The following PLCG2 variants were observed in gnomAD, a reference collection of about 807,000 sequenced individuals.
PLCG2 encodes 1-phosphatidylinositol 4,5-bisphosphate phosphodiesterase gamma-2.
Under a neutral mutation model 175.6 loss-of-function variants are expected in PLCG2, and 69 were observed. The observed-to-expected ratio is 0.39, with a 90% CI of 0.32 to 0.48. PLCG2 has a LOEUF of 0.48. Among genes scored for constraint, PLCG2 ranks in the 20% least tolerant of loss-of-function variants. The pLI, the probability that PLCG2 is intolerant of heterozygous loss-of-function variation, is 0.91. For missense variants in PLCG2, 1,798 were observed against 1,650.9 expected (o/e 1.09, Z -1.54); for synonymous variants, 827 against 624.0 (o/e 1.33, Z -4.85).
chr16:81,902,733 A>T (rs1909205036), intron 14 of PLCG2, among the ~76,000 whole-genome samples: 1 of 152,174 alleles, frequency 6.6e-6, no homozygotes, highest in Non-Finnish European at 1.5e-5. Context: ...CACACTGCTC[A>T]TAAAGACATA....
At chr16:81,815,439 A>G (rs757905945) in intron 2 of PLCG2, among the ~76,000 whole-genome samples, 1 of 152,218 alleles carries the variant, frequency 6.6e-6, no homozygotes, top group Non-Finnish European at 1.5e-5. Flanking sequence ...TCCAGCGGGA[A>G]ACTGCAGGGG....
intron 19 of PLCG2, among the ~76,000 whole-genome samples, chr16:81,917,924 TG>T (rs574286625): frequency 8.1e-4 from 123 of 152,316 alleles, no homozygotes; most frequent in African/African-American, 2.8e-3. Context: ...GGTTTCACCA[TG>T]TTGGCCAGGC....
At position 81,805,767 on chromosome 16, in the gene PLCG2, G is replaced by GTTTT. The variant is rs766609754; in HGVS notation, c.193+19597_193+19600dup. 2.4e-3 allele frequency among the ~76,000 whole-genome samples: 93 copies of GTTTT among 39,506 alleles called. 7 individuals are homozygous for GTTTT. Among genetic ancestry groups the GTTTT allele is most frequent in the African/African-American group, 6.1e-3 (50 of 8,166 alleles). 25.9% of individuals were successfully genotyped at this position (39,506 alleles called of 152,430 possible). A position where few individuals can be genotyped will look rare whatever the true frequency, so the allele number is the denominator to read the frequency against. ...AGCCATGAGAGTAGTGTTTTGTTTTGTTTTTTTTTTTTTTTGTTTTTTTTT... is the reference window on the plus strand; with the variant it reads ...AGCCATGAGAGTAGTGTTTTGTTTTGTTTTTTTTTTTTTTTTTTTGTTTTTTTTT... On this transcript the variant is annotated intron_variant, in intron 2 of 32. Coordinates refer to ENST00000564138, the MANE Select transcript of PLCG2 (RefSeq NM_002661.5).
upstream of PLCG2, among the ~76,000 whole-genome samples, chr16:81,776,270 G>A (rs1212590315): frequency 6.6e-6 from 1 of 150,722 alleles, no homozygotes; most frequent in African/African-American, 2.4e-5. Context: ...CACCAGGCCA[G>A]GCTAATGTTT....
At chr16:81,902,396 T>A (rs983075417) in intron 14 of PLCG2, among the ~76,000 whole-genome samples, 1 of 152,114 alleles carries the variant, frequency 6.6e-6, no homozygotes, top group Non-Finnish European at 1.5e-5. Context: ...GGTATGAGAG[T>A]CCTCTTCCAA....
chr16:81,905,322 A>G lies in PLCG2; in HGVS notation c.1363-81A>G, dbSNP rs1051711936. The G allele has an allele frequency of 3.4e-6, 3 of 890,374 alleles. No homozygotes were observed. In the African/African-American group the frequency reaches 4.9e-5, roughly 15 times the overall value. 55.2% of individuals were successfully genotyped at this position (890,374 alleles called of 1,614,324 possible). On this transcript the variant is annotated intron_variant, in intron 14 of 32. Transcript: ENST00000564138. ...GGCAGTGCAAAGGCCCTGCCTGGGAAGAGGCAGATGAAGGCTGCTGGCTCA... is the reference window on the plus strand; with the variant it reads ...GGCAGTGCAAAGGCCCTGCCTGGGAGGAGGCAGATGAAGGCTGCTGGCTCA...
intron 2 of PLCG2, among the ~76,000 whole-genome samples, chr16:81,825,283 ATTTTTTTTTTTTT>A (rs577002663): frequency 8.6e-6 from 1 of 115,878 alleles, no homozygotes; most frequent in Admixed American, 9.1e-5. Flanking sequence ...AGATGCTCTA[ATTTTTTTTTTTTT>A]TTTTTTTTTT....
intron 2 of PLCG2, among the ~76,000 whole-genome samples, chr16:81,803,558 C>T (rs867163367): frequency 7.5e-6 from 1 of 132,476 alleles, no homozygotes; most frequent in African/African-American, 2.8e-5. Flanking sequence ...CCTTTCTTTC[C>T]TTCCTTTCCT....
At chr16:81,822,301 G>C (rs910028966) in intron 2 of PLCG2, among the ~76,000 whole-genome samples, 6 of 152,190 alleles carry the variant, frequency 3.9e-5, no homozygotes, top group Non-Finnish European at 8.8e-5. Flanking sequence ...AAGCATGATT[G>C]ATGGCCCCCA....
chr16:81,858,097 T>C, intron 3 of PLCG2, 166 bp from the exon 4 acceptor site: 1 of 549,878 alleles, frequency 1.8e-6, no homozygotes, highest in Non-Finnish European at 3.2e-6. Context: ...AAAAAGCAGG[T>C]CCTAGGGCCA....
At chr16:81,953,223 G>A (rs1303371724) in intron 31 of PLCG2, among the ~76,000 whole-genome samples, 8 of 152,200 alleles carry the variant, frequency 5.3e-5, no homozygotes, top group East Asian at 1.9e-4. Context: ...GTGGGATCCC[G>A]GATTGGATGT....
chr16:81,844,804 A>G (rs544729691), intron 2 of PLCG2, among the ~76,000 whole-genome samples: 2 of 152,262 alleles, frequency 1.3e-5, no homozygotes, highest in Admixed American at 6.5e-5. Flanking sequence ...ATGGCCATGT[A>G]TGTGTGTACA....
chr16:81,944,578 C>T (rs1290658197), intron 30 of PLCG2, among the ~76,000 whole-genome samples: 1 of 152,300 alleles, frequency 6.6e-6, no homozygotes, highest in East Asian at 1.9e-4. Context: ...AATCCTCCTG[C>T]CTCAGTCTTC....
upstream of PLCG2, among the ~76,000 whole-genome samples, chr16:81,778,043 C>CAAACCAACAACCAA (rs1910507100): frequency 1.7e-5 from 1 of 59,860 alleles, no homozygotes; most frequent in Non-Finnish European, 3.2e-5. Flanking sequence ...AAAAAAAAAA[C>CAAACCAACAACCAA]AAAAAAAAAA....
At chr16:81,878,945 G>A (rs541556743) in intron 7 of PLCG2, among the ~76,000 whole-genome samples, 2 of 152,174 alleles carry the variant, frequency 1.3e-5, no homozygotes, top group South Asian at 2.1e-4. Flanking sequence ...ATGAGCTTCC[G>A]GTTGCTTCAA....
At chr16:81,837,002 A>T (rs1479341298) in intron 2 of PLCG2, among the ~76,000 whole-genome samples, 1 of 152,202 alleles carries the variant, frequency 6.6e-6, no homozygotes, top group Non-Finnish European at 1.5e-5. Flanking sequence ...CCTTAGTAGG[A>T]AGTTGAGGAC....
chr16:81,833,777 G>C (rs1056175982), intron 2 of PLCG2, among the ~76,000 whole-genome samples: 5 of 152,016 alleles, frequency 3.3e-5, no homozygotes, highest in African/African-American at 1.2e-4. Flanking sequence ...GGAATTCCTG[G>C]GCTCGAGCTG....
Position 81,800,216 on chromosome 16 carries a change from C to G in PLCG2, c.193+14034C>G, listed in dbSNP as rs553849920. Among the ~76,000 whole-genome samples the G allele has an allele frequency of 3.2e-4, 49 of 152,252 alleles. No individual in the cohort carries two copies. The Middle Eastern group carries it at 0.01, about 32-fold the overall frequency. On this transcript the variant is annotated intron_variant, in intron 2 of 32. Coordinates refer to ENST00000564138, the MANE Select transcript of PLCG2 (RefSeq NM_002661.5). Reference sequence around the variant, plus strand: ...TTGCTATTATTATTGTTTAAATTTACTTTTATTGTAAGTTCTGGGATACAT... The same window carrying G: ...TTGCTATTATTATTGTTTAAATTTAGTTTTATTGTAAGTTCTGGGATACAT...
At chr16:81,910,871 T>C (rs1490529882) in intron 18 of PLCG2, 151 bp downstream of exon 18, 2 of 695,120 alleles carry the variant, frequency 2.9e-6, no homozygotes. Context: ...GTGGCCAGTT[T>C]CCAAATTCCT....
Sources: gnomAD v4.1 joint callset for allele counts (sites outside exome capture counted in the v4.1 genomes callset) on GRCh38, gnomAD v4.1.1 for gene constraint, MANE v1.5 for transcripts, NCBI Gene and HGNC (gene_info 2026-07-23, HGNC 2026-07-21) for gene names.